Variants in TNKS observed in about 807,000 individuals in gnomAD.
The protein encoded by TNKS is poly [ADP-ribose] polymerase tankyrase-1.
TNKS carries 72 observed loss-of-function variants against 135.8 expected under a neutral mutation model. The observed-to-expected ratio is 0.53, with a 90% confidence interval of 0.44 to 0.64. The LOEUF (loss-of-function observed/expected upper bound fraction) is 0.64, where lower values mean the gene tolerates loss of function less well. TNKS is among the 30% of genes least tolerant of loss of function. The pLI, the probability that TNKS is intolerant of heterozygous loss-of-function variation, is 0.00. For synonymous variants in TNKS, 849 were observed against 649.3 expected (o/e 1.31, Z -4.68); for missense variants, 1,769 against 1,674.0 (o/e 1.06, Z -0.99).
At chr8:9,681,868 G>A (rs1332144801) in intron 5 of TNKS, among the ~76,000 whole-genome samples, 3 of 151,938 alleles carry the variant, frequency 2.0e-5, no homozygotes, top group East Asian at 3.9e-4. Context: ...TATAATTTAC[G>A]TTCATTTGTT....
At chr8:9,562,003 G>A (rs1287309239) in intron 1 of TNKS, among the ~76,000 whole-genome samples, 10 of 152,070 alleles carry the variant, frequency 6.6e-5, no homozygotes, top group Admixed American at 6.5e-4. Context: ...TTTTAGTAGA[G>A]ACGGGGTTTC....
Position 9,617,221 on chromosome 8 carries a change from TG to T in TNKS, c.994+1547del, listed in dbSNP as rs1269862596. 5.9e-5 allele frequency among the ~76,000 whole-genome samples: 9 copies of T among 152,220 alleles called. 1 individual carries two copies. Among genetic ancestry groups the T allele is most frequent in the Non-Finnish European group, 1.3e-4 (9 of 68,026 alleles). The stretch of plus-strand genomic sequence containing the variant: ...GAGATTATATTGGATGTTGTTAGTT[TG>T]GGAAAGAGCTTTGGAACAATCACTT... On this transcript the variant is annotated intron_variant, in intron 3 of 26. Coordinates refer to ENST00000310430, the MANE Select transcript of TNKS (RefSeq NM_003747.3).
intron 2 of TNKS, among the ~76,000 whole-genome samples, chr8:9,603,961 A>C (rs957551306): frequency 1.2e-4 from 19 of 152,176 alleles, no homozygotes; most frequent in African/African-American, 4.1e-4. Flanking sequence ...TCTTCTGTTA[A>C]AAAAACAAAG....
chr8:9,638,195 A>C (rs1800584773), intron 3 of TNKS, among the ~76,000 whole-genome samples: 1 of 152,326 alleles, frequency 6.6e-6, no homozygotes, highest in Middle Eastern at 3.4e-3. Flanking sequence ...AGCTAGTCTC[A>C]AACTCCTGGC....
At chr8:9,751,583 GTTT>G in intron 18 of TNKS, 23 bp from the exon 19 acceptor site, 1 of 1,593,988 alleles carries the variant, frequency 6.3e-7, no homozygotes, top group Non-Finnish European at 8.6e-7. Flanking sequence ...TATTTTCATG[GTTT>G]TTGTTTTTAA....
rs1293248117 is a variant in TNKS, at chr8:9,704,770, G to C, written c.1202+13G>C. 1 of 1,604,162 alleles carries C rather than the reference G, an allele frequency of 6.2e-7. No individual in the cohort carries two copies. Among genetic ancestry groups the C allele is most frequent in the South Asian group, 1.1e-5 (1 of 90,066 alleles). On this transcript the variant is annotated intron_variant, in intron 6 of 26. Transcript: ENST00000310430. ...CAAAAGACAAAGGGTAGGTCTATCAGTTTACTTCCTGTCAGTGCTTTGTTT... is the reference window on the plus strand; with the variant it reads ...CAAAAGACAAAGGGTAGGTCTATCACTTTACTTCCTGTCAGTGCTTTGTTT...
intron 2 of TNKS, among the ~76,000 whole-genome samples, chr8:9,599,182 G>A (rs1798920894): frequency 6.6e-6 from 1 of 152,104 alleles, no homozygotes; most frequent in South Asian, 2.1e-4. Flanking sequence ...GCAGTTAGGT[G>A]TGGCACAAAT....
intron 3 of TNKS, among the ~76,000 whole-genome samples, chr8:9,677,519 C>T (rs1015049678): frequency 2.0e-5 from 3 of 151,972 alleles, no homozygotes; most frequent in Non-Finnish European, 1.5e-5. Context: ...CTTTTAAGTT[C>T]ACAGTTTTAA....
chr8:9,712,602 A>G (rs1804392809), intron 11 of TNKS, among the ~76,000 whole-genome samples: 1 of 152,168 alleles, frequency 6.6e-6, no homozygotes, highest in African/African-American at 2.4e-5. Flanking sequence ...TAATTAAAAT[A>G]TGTTTTGGAC....
intron 1 of TNKS, 155 bp downstream of exon 1, chr8:9,556,767 G>A: frequency 3.8e-6 from 3 of 787,806 alleles, no homozygotes; most frequent in South Asian, 3.8e-5. Flanking sequence ...TTCTTTTGGT[G>A]GTGCCTGGGT....
At chr8:9,660,354 C>T (rs1208281037) in intron 3 of TNKS, among the ~76,000 whole-genome samples, 1 of 152,146 alleles carries the variant, frequency 6.6e-6, no homozygotes, top group Non-Finnish European at 1.5e-5. Context: ...TACTGGCAAA[C>T]CGAATCCAGC....
At chr8:9,702,309 G>GCACACA (rs750772294) in intron 5 of TNKS, among the ~76,000 whole-genome samples, 79 of 150,052 alleles carry the variant, frequency 5.3e-4, no homozygotes, top group Admixed American at 9.9e-4. Flanking sequence ...GCGTGTGCGT[G>GCACACA]CACACACACA....
At chr8:9,585,024 A>G (rs751832689) in intron 2 of TNKS, among the ~76,000 whole-genome samples, 4 of 152,180 alleles carry the variant, frequency 2.6e-5, no homozygotes, top group Non-Finnish European at 5.9e-5. Flanking sequence ...CAATCAGAAT[A>G]CATATCCAGG....
intron 3 of TNKS, among the ~76,000 whole-genome samples, chr8:9,619,409 C>T (rs907869802): frequency 2.0e-5 from 3 of 152,052 alleles, no homozygotes; most frequent in African/African-American, 7.2e-5. Context: ...CAGATTGAGC[C>T]TGAGAGTTTG....
rs77132202 is a variant in TNKS at position 9,595,621 on chromosome 8, A to T, written c.898+15238A>T. 2.0e-5 allele frequency among the ~76,000 whole-genome samples: 3 copies of T among 152,162 alleles called. No homozygotes were observed. In the East Asian group the frequency reaches 5.8e-4, roughly 29 times the overall value. The stretch of plus-strand genomic sequence containing the variant: ...ATTCCAGGAAAAGCACCCGTATGGA[A>T]GCTTTCACTCTTCCAAGGCCTTAAG... On this transcript the variant is annotated intron_variant, in intron 2 of 26. Coordinates refer to ENST00000310430, the MANE Select transcript of TNKS (RefSeq NM_003747.3).
chr8:9,565,040 A>C (rs1453157691), intron 1 of TNKS, among the ~76,000 whole-genome samples: 1 of 151,820 alleles, frequency 6.6e-6, no homozygotes, highest in African/African-American at 2.4e-5. Flanking sequence ...GATTTCAAGT[A>C]ATTGAGGAAA....
intron 5 of TNKS, among the ~76,000 whole-genome samples, chr8:9,684,007 T>A (rs896235353): frequency 2.0e-5 from 3 of 151,936 alleles, no homozygotes; most frequent in African/African-American, 7.2e-5. Context: ...CTTTTGTTGT[T>A]GCTCTAAAAT....
intron 9 of TNKS, 82 bp downstream of exon 9, chr8:9,708,574 AAAGTAACTTT>A: frequency 7.7e-7 from 1 of 1,304,914 alleles, no homozygotes; most frequent in Non-Finnish European, 1.0e-6. Flanking sequence ...CAGAAACCTT[AAAGTAACTTT>A]AGTATCTGAA....
intron 2 of TNKS, among the ~76,000 whole-genome samples, chr8:9,597,891 C>A (rs1418720964): frequency 1.3e-5 from 2 of 152,114 alleles, no homozygotes; most frequent in African/African-American, 4.8e-5. Flanking sequence ...TCAATACTAT[C>A]ATTCAGAACA....
Sources: gnomAD v4.1 joint callset for allele counts (sites outside exome capture counted in the v4.1 genomes callset) on GRCh38, gnomAD v4.1.1 for gene constraint, MANE v1.5 for transcripts, NCBI Gene and HGNC (gene_info 2026-07-23, HGNC 2026-07-21) for gene names.